SIK2: variants seen among roughly 807,000 people sequenced by gnomAD.
The protein encoded by SIK2 is serine/threonine-protein kinase SIK2.
In SIK2, 29 loss-of-function variants were observed where a neutral mutation model predicts 103.2. That is an observed-to-expected ratio of 0.28 (90% CI 0.21 to 0.38). SIK2 has a LOEUF of 0.38. Ranked by LOEUF, SIK2 falls within the 10% of genes least tolerant of loss-of-function variation. SIK2 has a pLI of 1.00. For synonymous variants in SIK2, 412 were observed against 446.1 expected (o/e 0.92, Z 0.96); for missense variants, 879 against 1,171.0 (o/e 0.75, Z 3.64).
intron 3 of SIK2, among the ~76,000 whole-genome samples, chr11:111,627,645 C>A (rs1028385581): frequency 1.3e-5 from 2 of 152,070 alleles, no homozygotes; most frequent in Non-Finnish European, 2.9e-5. Context: ...GGAAAAAAAA[C>A]CATAGATAAA....
chr11:111,699,810 A>G (rs1004944112), intron 4 of SIK2, among the ~76,000 whole-genome samples: 2 of 152,160 alleles, frequency 1.3e-5, no homozygotes, highest in East Asian at 1.9e-4. Flanking sequence ...CACTTTACAG[A>G]TGGGGAAACT....
At position 111,712,360 on chromosome 11, in the gene SIK2, T is replaced by C; in HGVS notation, c.1251T>C (p.Cys417=). ...QAEAAFMEEE[C]VDTPKVNGCL... is the part of the protein sequence containing the mutation. ...AAGCTGCATTCATGGAAGAAGAGTG[T>C]GTGGACACTCCAAAGGTACGGCTAT... The change falls in exon 9 of 15, where the codon TGT becomes TGC. Residue 417 remains cysteine (C), a synonymous_variant. Transcript: ENST00000304987. The C allele has an allele frequency of 6.2e-7, 1 of 1,614,090 alleles. No homozygotes were observed. The highest frequency in any genetic ancestry group is 8.5e-7 in the Non-Finnish European group (1 of 1,179,988).
rs757707705 is a variant in SIK2 at position 111,642,000 on chromosome 11, A to ACT, written c.316+21598_316+21599insCT. Among the ~76,000 whole-genome samples the ACT allele has an allele frequency of 2.2e-3, 330 of 152,274 alleles. 1 individual carries two copies. Among genetic ancestry groups the ACT allele is most frequent in the Middle Eastern group, 3.4e-3 (1 of 294 alleles). Reference sequence around the variant, plus strand: ...TGGTACTACAGTACCAGACTTAGTAAATGTTAATCTCTTCTTTCACTTTCC... The same window carrying ACT: ...TGGTACTACAGTACCAGACTTAGTAACTATGTTAATCTCTTCTTTCACTTTCC... On this transcript the variant is annotated intron_variant, in intron 3 of 14. Coordinates refer to ENST00000304987, the MANE Select transcript of SIK2 (RefSeq NM_015191.3).
In SIK2 at chr11:111,663,919, C is replaced by G. The variant is rs375938878; in HGVS notation, c.317-24082C>G. On this transcript the variant is annotated intron_variant, in intron 3 of 14. Coordinates refer to ENST00000304987, the MANE Select transcript of SIK2 (RefSeq NM_015191.3). ...ACTAAAGCACAGAAAAGTAGCTTGC[C>G]TGAGATCATACAGCCAATAAGTGGT... Among the ~76,000 whole-genome samples the G allele has an allele frequency of 1.7e-4, 26 of 152,274 alleles. No homozygotes were observed. In the East Asian group the frequency reaches 2.3e-3, roughly 14 times the overall value.
At chr11:111,662,070 C>G (rs562056092) in intron 3 of SIK2, among the ~76,000 whole-genome samples, 1 of 152,194 alleles carries the variant, frequency 6.6e-6, no homozygotes, top group East Asian at 1.9e-4. Context: ...GCAGGGCACA[C>G]TGGGAACTGC....
chr11:111,644,035 C>T (rs887150804), intron 3 of SIK2, among the ~76,000 whole-genome samples: 4 of 151,516 alleles, frequency 2.6e-5, no homozygotes, highest in Non-Finnish European at 5.9e-5. Flanking sequence ...CACCTGTAAT[C>T]CCAGCATTTT....
intron 1 of SIK2, among the ~76,000 whole-genome samples, chr11:111,606,154 G>C (rs1941645845): frequency 6.6e-6 from 1 of 152,010 alleles, no homozygotes; most frequent in Admixed American, 6.5e-5. Flanking sequence ...TTTCCTTCTA[G>C]TTAGTGGTAT....
chr11:111,668,063 A>G (rs2135877534), intron 3 of SIK2, among the ~76,000 whole-genome samples: 1 of 152,274 alleles, frequency 6.6e-6, no homozygotes, highest in South Asian at 2.1e-4. Flanking sequence ...ATACTCTGAA[A>G]TTAGTCTTGA....
chr11:111,683,406 C>T (rs1942802938), intron 3 of SIK2: 1 of 152,002 alleles, frequency 6.6e-6, no homozygotes, highest in African/African-American at 2.4e-5. Context: ...TAAGTTTGTT[C>T]TGTAAATAAG....
Position 111,666,213 on chromosome 11 carries a change from G to A in SIK2, c.317-21788G>A, listed in dbSNP as rs117832113. Among the ~76,000 whole-genome samples, 999 of 152,296 alleles carry A rather than the reference G, an allele frequency of 6.6e-3. 8 individuals are homozygous for A. Among genetic ancestry groups the A allele is most frequent in the Middle Eastern group, 0.054 (16 of 294 alleles). ...GAGGCATGAAATCAGCATAGTTACCGTAGGGTTTCTGTTAAATTTTGATGT... is the reference window on the plus strand; with the variant it reads ...GAGGCATGAAATCAGCATAGTTACCATAGGGTTTCTGTTAAATTTTGATGT... On this transcript the variant is annotated intron_variant, in intron 3 of 14. Coordinates refer to ENST00000304987, the MANE Select transcript of SIK2 (RefSeq NM_015191.3).
chr11:111,645,998 T>G (rs1942251151), intron 3 of SIK2, among the ~76,000 whole-genome samples: 1 of 152,188 alleles, frequency 6.6e-6, no homozygotes, highest in Non-Finnish European at 1.5e-5. Flanking sequence ...TGCACATTTA[T>G]GTTTTAGACA....
rs913173594 is a variant in SIK2, at chr11:111,729,144, T to C, written c.*5015T>C. The C allele has an allele frequency of 1.3e-5, 2 of 152,182 alleles. No individual in the cohort carries two copies. The highest frequency in any genetic ancestry group is 2.4e-5 in the African/African-American group (1 of 41,420). The allele number at this position is 152,182 out of a possible 1,614,324, so 9.4% of individuals were successfully genotyped here. On this transcript the variant is annotated 3_prime_UTR_variant, in exon 15 of 15. Transcript: ENST00000304987. ...GCCTCTCACATTCTTATTTTACCAT[T>C]TTTGTCCTAATTAAGGTAGCCTAGC... is the stretch of plus-strand genomic sequence containing the variant.
At chr11:111,691,083 C>T (rs1242673230) in intron 4 of SIK2, among the ~76,000 whole-genome samples, 1 of 152,162 alleles carries the variant, frequency 6.6e-6, no homozygotes, top group Non-Finnish European at 1.5e-5. Context: ...ATTGCTTTGA[C>T]GTTATAACCA....
Position 111,705,105 on chromosome 11 carries a change from G to C in SIK2, c.1067G>C (p.Arg356Pro). The change falls in exon 8 of 15, where the codon CGG becomes CCG. Residue 356 changes from arginine (R) to proline (P), a missense_variant. This residue lies in a region of SIK2 where 99 missense variants were observed against 153.9 expected (regional missense o/e 0.64). Coordinates refer to ENST00000304987, the MANE Select transcript of SIK2 (RefSeq NM_015191.3). This position sits in a 1 kb window ranked among gnomAD's most constrained non-coding sequence, Gnocchi z 4.3. ...CAGAGACTTGATGGCCGCCAGCGTC[G>C]GCCTAGCACCATTGCTGAGCAAACA... ...VEQRLDGRQR[R>P]PSTIAEQTVA... 6.3e-7 allele frequency: 1 copy of C among 1,592,464 alleles called. No homozygotes were observed. The highest frequency in any genetic ancestry group is 8.5e-7 in the Non-Finnish European group (1 of 1,173,280).
intron 3 of SIK2, among the ~76,000 whole-genome samples, chr11:111,665,231 A>G (rs1322917630): frequency 5.3e-5 from 8 of 151,938 alleles, no homozygotes; most frequent in Non-Finnish European, 1.0e-4. Context: ...ACATTTAGAA[A>G]TGTCAGAAGT....
At chr11:111,647,090 A>C (rs1335758628) in intron 3 of SIK2, among the ~76,000 whole-genome samples, 4 of 152,218 alleles carry the variant, frequency 2.6e-5, no homozygotes, top group African/African-American at 9.6e-5. Flanking sequence ...TTTTCAAGTC[A>C]ATAAATACAT....
At chr11:111,718,574 GCAAA>G (rs1010915079) in intron 9 of SIK2, among the ~76,000 whole-genome samples, 1 of 152,226 alleles carries the variant, frequency 6.6e-6, no homozygotes, top group African/African-American at 2.4e-5. Flanking sequence ...CCTCCCTGCA[GCAAA>G]CAAAGATCTG....
chr11:111,687,589 A>ATTATTGTT (rs1310112838), intron 3 of SIK2, among the ~76,000 whole-genome samples: 2 of 148,766 alleles, frequency 1.3e-5, no homozygotes, highest in African/African-American at 4.9e-5. Context: ...TTTATCACTA[A>ATTATTGTT]TTATTGTTTT....
chr11:111,704,333 G>C (rs1219886470), intron 7 of SIK2, among the ~76,000 whole-genome samples: 1 of 152,216 alleles, frequency 6.6e-6, no homozygotes, highest in Non-Finnish European at 1.5e-5. Flanking sequence ...AGAACCCAAA[G>C]GAGCAGTTGT....
Sources: allele counts gnomAD v4.1 joint callset (sites outside exome capture counted in the v4.1 genomes callset), GRCh38; gene constraint gnomAD v4.1.1; regional missense constraint gnomAD v4.1.1; non-coding constraint Gnocchi (gnomAD v3.1); transcripts MANE v1.5; gene names NCBI Gene and HGNC (gene_info 2026-07-23, HGNC 2026-07-21).